VTI1A: variants seen among roughly 807,000 people sequenced by gnomAD.
VTI1A encodes the protein vesicle transport through interaction with t-SNAREs homolog 1A.
A neutral mutation model predicts 34.9 loss-of-function variants in VTI1A; 22 were observed. The ratio of observed to expected loss-of-function variants is 0.63; its 90% CI spans 0.45 to 0.90. The LOEUF is 0.90. Ranked by LOEUF, VTI1A falls within the 40% of genes least tolerant of loss-of-function variation. The pLI is 0.00. For missense variants in VTI1A, 268 were observed against 275.6 expected (o/e 0.97, Z 0.20); for synonymous variants, 87 against 97.3 (o/e 0.89, Z 0.62).
At chr10:112,589,949 A>T (rs1265978514) in intron 5 of VTI1A, among the ~76,000 whole-genome samples, 2 of 152,194 alleles carry the variant, frequency 1.3e-5, no homozygotes, top group Non-Finnish European at 2.9e-5. Context: ...GATGATTTAT[A>T]GTTTTCTTCC....
At chr10:112,759,681 T>G (rs190419545) in intron 7 of VTI1A, among the ~76,000 whole-genome samples, 12 of 152,176 alleles carry the variant, frequency 7.9e-5, no homozygotes, top group Non-Finnish European at 1.8e-4. Flanking sequence ...AGGAATTCCG[T>G]TTTATTGGTT....
the VTI1A span, among the ~76,000 whole-genome samples, chr10:112,850,693 A>ATAAG: frequency 6.6e-6 from 1 of 152,212 alleles, no homozygotes; most frequent in African/African-American, 2.4e-5. Flanking sequence ...CCCAAATCAT[A>ATAAG]TAAGTGTCAC....
At chr10:112,503,357 T>C (rs369905103) in intron 3 of VTI1A, among the ~76,000 whole-genome samples, 25 of 152,296 alleles carry the variant, frequency 1.6e-4, no homozygotes, top group African/African-American at 6.0e-4. Context: ...AATGAGAACA[T>C]GTGATATTTG....
chr10:112,812,257 A>G (rs1322896780), intron 7 of VTI1A, among the ~76,000 whole-genome samples: 1 of 152,178 alleles, frequency 6.6e-6, no homozygotes, highest in Non-Finnish European at 1.5e-5. Context: ...CACACTTTGC[A>G]TTTTCAAAAG....
the VTI1A span, among the ~76,000 whole-genome samples, chr10:112,841,022 G>A: frequency 6.6e-6 from 1 of 152,170 alleles, no homozygotes; most frequent in South Asian, 2.1e-4. Context: ...TGGTGATAAT[G>A]TGCGGCCATC....
At chr10:112,698,672 C>T (rs1848881080) in intron 7 of VTI1A, among the ~76,000 whole-genome samples, 1 of 152,216 alleles carries the variant, frequency 6.6e-6, no homozygotes, top group South Asian at 2.1e-4. Context: ...CATGGTTAAA[C>T]ACGTGTTTGA....
intron 3 of VTI1A, among the ~76,000 whole-genome samples, chr10:112,487,540 A>G (rs974760038): frequency 6.6e-6 from 1 of 152,186 alleles, no homozygotes; most frequent in African/African-American, 2.4e-5. Context: ...AAGCCTCATC[A>G]TTTTACAAGC....
chr10:112,578,140 AGAG>A (rs767806115), intron 5 of VTI1A, among the ~76,000 whole-genome samples: 61 of 152,350 alleles, frequency 4.0e-4, no homozygotes, highest in East Asian at 2.3e-3. Context: ...AGGACAGCTC[AGAG>A]GAGAAGAAAC....
intron 3 of VTI1A, among the ~76,000 whole-genome samples, chr10:112,493,210 T>C (rs1334992242): frequency 6.6e-6 from 1 of 152,196 alleles, no homozygotes. Context: ...TTTCTAAATA[T>C]TTTCTCTTTA....
chr10:112,684,895 T>C (rs1228433231), intron 7 of VTI1A, among the ~76,000 whole-genome samples: 1 of 152,218 alleles, frequency 6.6e-6, no homozygotes, highest in Non-Finnish European at 1.5e-5. Context: ...ATATGTGACA[T>C]ACACATGTGT....
chr10:112,458,589 G>A (rs1847621843), intron 1 of VTI1A, among the ~76,000 whole-genome samples: 1 of 151,952 alleles, frequency 6.6e-6, no homozygotes, highest in South Asian at 2.1e-4. Flanking sequence ...AAAGGGTTAA[G>A]ATTAGTAGAA....
intron 7 of VTI1A, among the ~76,000 whole-genome samples, chr10:112,769,768 A>G (rs1851748701): frequency 6.6e-6 from 1 of 152,138 alleles, no homozygotes; most frequent in Admixed American, 6.5e-5. Flanking sequence ...AACACCACAG[A>G]CCTTAGAACA....
chr10:112,474,655 C>G (rs1417608484), intron 3 of VTI1A, among the ~76,000 whole-genome samples: 1 of 151,478 alleles, frequency 6.6e-6, no homozygotes, highest in African/African-American at 2.4e-5. Flanking sequence ...CAGGGTCTCC[C>G]TATGTCACCC....
At chr10:112,652,726 C>CAAAAAA (rs779424975) in intron 5 of VTI1A, among the ~76,000 whole-genome samples, 8 of 106,416 alleles carry the variant, frequency 7.5e-5, no homozygotes, top group East Asian at 3.0e-4. Context: ...GACCTTGTCT[C>CAAAAAA]AAAAAAAAAA....
At chr10:112,830,845 A>ATTTTTTTTTTTTTTTTTTTT in the VTI1A span, among the ~76,000 whole-genome samples, 1 of 42,032 alleles carries the variant, frequency 2.4e-5, no homozygotes, top group African/African-American at 1.0e-4. Flanking sequence ...ATATATATAT[A>ATTTTTTTTTTTTTTTTTTTT]TATATTTTTT....
Position 112,786,987 on chromosome 10 carries a change from C to A in VTI1A, c.561-28303C>A, listed in dbSNP as rs540740210. 4.3e-4 allele frequency among the ~76,000 whole-genome samples: 66 copies of A among 152,228 alleles called. 1 individual carries two copies. Among genetic ancestry groups the A allele is most frequent in the Non-Finnish European group, 8.2e-4 (56 of 68,002 alleles). ...GATTTGTGTAGGAACAGTATTATTT[C>A]TTTCATAAATTGTGATGTAATTCAT... On this transcript the variant is annotated intron_variant, in intron 7 of 7. Coordinates refer to ENST00000393077, the MANE Select transcript of VTI1A (RefSeq NM_145206.4).
intron 3 of VTI1A, among the ~76,000 whole-genome samples, chr10:112,479,500 A>G (rs1414718969): frequency 2.0e-5 from 3 of 152,196 alleles, no homozygotes; most frequent in Non-Finnish European, 4.4e-5. Context: ...TCTGAATCTC[A>G]TCAAATAACC....
intron 3 of VTI1A, among the ~76,000 whole-genome samples, chr10:112,475,933 G>A (rs537148864): frequency 6.6e-6 from 1 of 152,278 alleles, no homozygotes; most frequent in East Asian, 1.9e-4. Flanking sequence ...ACACTGTGTT[G>A]AATGTTTTAT....
At chr10:112,703,357 C>T (rs1415911180) in intron 7 of VTI1A, among the ~76,000 whole-genome samples, 2 of 152,036 alleles carry the variant, frequency 1.3e-5, no homozygotes. Context: ...CACTTGAGGT[C>T]GGGAGTTCAA....
Sources: gnomAD v4.1 joint callset for allele counts (sites outside exome capture counted in the v4.1 genomes callset) on GRCh38, gnomAD v4.1.1 for gene constraint, MANE v1.5 for transcripts, NCBI Gene and HGNC (gene_info 2026-07-23, HGNC 2026-07-21) for gene names.